The following ACOT11 variants were observed in gnomAD, a reference collection of about 807,000 sequenced individuals.
The protein encoded by ACOT11 is acyl-coenzyme A thioesterase 11.
ACOT11 carries 69 observed loss-of-function variants against 77.5 expected under a neutral mutation model. The observed-to-expected ratio is 0.89, with a 90% CI of 0.73 to 1.09. The LOEUF is 1.09. ACOT11 is among the 50% of genes least tolerant of loss of function. The pLI is 0.00. For missense variants in ACOT11, 766 were observed against 813.7 expected (o/e 0.94, Z 0.71); for synonymous variants, 279 against 313.0 (o/e 0.89, Z 1.15).
chr1:54,560,801 A>G (rs1335784772), intron 1 of ACOT11, among the ~76,000 whole-genome samples: 1 of 151,878 alleles, frequency 6.6e-6, no homozygotes, highest in African/African-American at 2.4e-5. Flanking sequence ...GGCTCACTGC[A>G]ACCTCCGCCT....
chr1:54,594,753 C>T (rs752896752), intron 6 of ACOT11, 62 bp downstream of exon 6: 61 of 1,550,184 alleles, frequency 3.9e-5, no homozygotes, highest in Non-Finnish European at 5.2e-5. Context: ...CCCTCTGCCC[C>T]GGGCTCCCAC....
chr1:54,576,458 A>G (rs989525568), intron 1 of ACOT11, among the ~76,000 whole-genome samples: 2 of 141,252 alleles, frequency 1.4e-5, no homozygotes, highest in East Asian at 2.2e-4. Context: ...GGTCACCCCC[A>G]CTGCACTCCA....
At chr1:54,606,871 C>T (rs1644032309) in intron 13 of ACOT11, among the ~76,000 whole-genome samples, 1 of 152,238 alleles carries the variant, frequency 6.6e-6, no homozygotes, top group Non-Finnish European at 1.5e-5. Context: ...CATGTATGTG[C>T]ACATCTTTGT....
At chr1:54,602,100 C>T (rs1288854943) in intron 9 of ACOT11, among the ~76,000 whole-genome samples, 1 of 152,222 alleles carries the variant, frequency 6.6e-6, no homozygotes, top group Admixed American at 6.5e-5. Flanking sequence ...GCCATAGCCG[C>T]TTCCCAGGCA....
Position 54,609,805 on chromosome 1 carries a change from T to C in ACOT11, c.*693T>C. ...CTATTTGCAAATGGATGCCCCAGTG[T>C]CCGGGATGTGTGGCCAGCTGCTGCA... On this transcript the variant is annotated 3_prime_UTR_variant, in exon 16 of 16. Coordinates refer to ENST00000343744, the MANE Select transcript of ACOT11 (RefSeq NM_147161.4). 1 of 1,614,194 alleles carries C rather than the reference T, an allele frequency of 6.2e-7. No individual in the cohort carries two copies. Among genetic ancestry groups the C allele is most frequent in the Non-Finnish European group, 8.5e-7 (1 of 1,180,024 alleles).
In ACOT11 at chr1:54,607,002, G is replaced by A. The variant is rs80127483; in HGVS notation, c.1371-132G>A. On this transcript the variant is annotated intron_variant, in intron 13 of 15. Transcript: ENST00000343744. The surrounding 1 kb of genome is among the most constrained non-coding windows in gnomAD (Gnocchi z 4.5). ...TGCTGCCTTCCTGCTGGCCCTTGCT[G>A]AGCAGTACAGGGGGTGACATCCCAT... is the stretch of plus-strand genomic sequence containing the variant. 45 of 1,297,484 alleles carry A rather than the reference G, an allele frequency of 3.5e-5. No individual in the cohort carries two copies. Among genetic ancestry groups the A allele is most frequent in the Non-Finnish European group, 4.2e-5 (40 of 954,438 alleles). 80.4% of individuals were successfully genotyped at this position (1,297,484 alleles called of 1,614,324 possible). A position where few individuals can be genotyped will look rare whatever the true frequency, so the allele number is the denominator to read the frequency against.
chr1:54,588,121 T>C (rs1484250609), intron 3 of ACOT11, among the ~76,000 whole-genome samples: 1 of 151,898 alleles, frequency 6.6e-6, no homozygotes, highest in Non-Finnish European at 1.5e-5. Flanking sequence ...GGAGGATCAC[T>C]TGAGCCTGGG....
intron 16 of ACOT11, among the ~76,000 whole-genome samples, chr1:54,633,204 A>C (rs1369840713): frequency 6.6e-6 from 1 of 152,234 alleles, no homozygotes; most frequent in Non-Finnish European, 1.5e-5. Context: ...CAGATAAGCC[A>C]ATTTGGATAG....
At chr1:54,558,545 C>A (rs556732489) in intron 1 of ACOT11, among the ~76,000 whole-genome samples, 2 of 152,188 alleles carry the variant, frequency 1.3e-5, no homozygotes, top group Non-Finnish European at 2.9e-5. Flanking sequence ...CAGACGACAG[C>A]TGAGCAGAAA....
In ACOT11 at chr1:54,587,550, C is replaced by CTTTTTTTTTTTTT. The variant is rs33913350; in HGVS notation, c.311+1660_311+1672dup. ...AAGAAAAAGGCTCTGGTTTGTAATC[C>CTTTTTTTTTTTTT]TTTTTTTTTTTTTTTTTTTTTTTTT... On this transcript the variant is annotated intron_variant, in intron 3 of 15. Coordinates refer to ENST00000343744, the MANE Select transcript of ACOT11 (RefSeq NM_147161.4). Among the ~76,000 whole-genome samples the CTTTTTTTTTTTTT allele has an allele frequency of 5.4e-5, 4 of 73,542 alleles. 1 individual carries two copies. Among genetic ancestry groups the CTTTTTTTTTTTTT allele is most frequent in the South Asian group, 6.0e-4 (1 of 1,662 alleles). 48.2% of individuals were successfully genotyped at this position (73,542 alleles called of 152,430 possible).
rs779951423 is a variant in ACOT11 at position 54,607,497 on chromosome 1, C to A, written c.1502+232C>A. On this transcript the variant is annotated intron_variant, in intron 14 of 15. Transcript: ENST00000343744. This position sits in a 1 kb window ranked among gnomAD's most constrained non-coding sequence, Gnocchi z 4.5. ...GTCGCATTCCCTAGAGCAGGGCCAC[C>A]CTTACCCAGGGTGGCTCAGGCTGCC... Among the ~76,000 whole-genome samples the A allele has an allele frequency of 2.5e-4, 38 of 152,240 alleles. No homozygotes were observed. Among genetic ancestry groups the A allele is most frequent in the Non-Finnish European group, 4.4e-4 (30 of 67,996 alleles).
At chr1:54,601,950 C>G (rs1313044160) in intron 9 of ACOT11, among the ~76,000 whole-genome samples, 2 of 152,252 alleles carry the variant, frequency 1.3e-5, no homozygotes, top group African/African-American at 4.8e-5. Flanking sequence ...AAAATGCTCC[C>G]TGTGCCTCCT....
At chr1:54,633,085 C>T (rs528578527) in intron 16 of ACOT11, among the ~76,000 whole-genome samples, 21 of 152,144 alleles carry the variant, frequency 1.4e-4, no homozygotes, top group East Asian at 1.9e-4. Flanking sequence ...CCACTTCAAG[C>T]GGAAAAACAA....
chr1:54,548,433 C>A, intron 1 of ACOT11, 91 bp downstream of exon 1: 1 of 1,429,356 alleles, frequency 7.0e-7, no homozygotes, highest in Non-Finnish European at 9.5e-7. Context: ...AGACGCTCTG[C>A]ATCTCCTCAC....
chr1:54,595,010 G>A (rs1247347969), intron 6 of ACOT11, among the ~76,000 whole-genome samples: 1 of 152,208 alleles, frequency 6.6e-6, no homozygotes, highest in Non-Finnish European at 1.5e-5. Flanking sequence ...CTTGAAGACT[G>A]TAGAATTTTT....
Position 54,599,421 on chromosome 1 carries a change from G to T in ACOT11, c.884+6G>T, listed in dbSNP as rs140890441. ...AACAATGCCTTCAAACATAGGTGAGGGTCTGGGATGGGTGCGGCCACGTCC... is the reference window on the plus strand; with the variant it reads ...AACAATGCCTTCAAACATAGGTGAGTGTCTGGGATGGGTGCGGCCACGTCC... On this transcript the variant is annotated splice_donor_region_variant and intron_variant, in intron 8 of 15. Transcript: ENST00000343744. The T allele has an allele frequency of 1.5e-3, 2,388 of 1,598,648 alleles. 31 individuals carry two copies. The African/African-American group carries it at 0.029, about 19-fold the overall frequency.
intron 3 of ACOT11, among the ~76,000 whole-genome samples, chr1:54,590,621 G>A (rs975883559): frequency 6.6e-6 from 1 of 152,132 alleles, no homozygotes; most frequent in East Asian, 1.9e-4. Context: ...GTTTTTTGCC[G>A]TAATTTTTGA....
chr1:54,589,189 G>A (rs937288801), intron 3 of ACOT11, among the ~76,000 whole-genome samples: 4 of 151,886 alleles, frequency 2.6e-5, no homozygotes, highest in Non-Finnish European at 4.4e-5. Context: ...GCTAATTTTT[G>A]TATTTTTATT....
chr1:54,592,264 C>T (rs535971587), intron 3 of ACOT11, among the ~76,000 whole-genome samples: 173 of 152,282 alleles, frequency 1.1e-3, no homozygotes, highest in Middle Eastern at 0.01. Flanking sequence ...CAAAAAGAAG[C>T]ACAGGCATTA....
Sources: gnomAD v4.1 joint callset for allele counts (sites outside exome capture counted in the v4.1 genomes callset) on GRCh38, gnomAD v4.1.1 for gene constraint, Gnocchi (gnomAD v3.1) non-coding constraint, MANE v1.5 for transcripts, NCBI Gene and HGNC (gene_info 2026-07-23, HGNC 2026-07-21) for gene names.